The following KCNT1 variants were observed in gnomAD, a reference collection of about 807,000 sequenced individuals.
KCNT1 encodes the protein potassium sodium-activated channel subfamily T member 1, also known as potassium channel subfamily T member 1.
Under a neutral mutation model 147.8 loss-of-function variants are expected in KCNT1, and 78 were observed. The observed-to-expected ratio is 0.53, with a 90% CI of 0.44 to 0.64. KCNT1 has a LOEUF of 0.64. Ranked by LOEUF, KCNT1 falls within the 30% of genes least tolerant of loss-of-function variation. KCNT1 has a pLI of 0.00. For missense variants in KCNT1, 1,419 were observed against 1,750.3 expected, an observed-to-expected ratio of 0.81 and a Z score of 3.38; for synonymous variants, 867 against 748.8, an observed-to-expected ratio of 1.16 and a Z score of -2.58.
intron 2 of KCNT1, among the ~76,000 whole-genome samples, chr9:135,747,262 G>A (rs1830879154): frequency 6.6e-6 from 1 of 152,110 alleles, no homozygotes; most frequent in Non-Finnish European, 1.5e-5. Context: ...GGAGAGGAGA[G>A]GGTGGGAGGC....
intron 5 of KCNT1, 88 bp from the exon 6 acceptor site, chr9:135,755,033 G>A: frequency 8.0e-7 from 1 of 1,248,806 alleles, no homozygotes; most frequent in Non-Finnish European, 1.1e-6. Flanking sequence ...GGCCAGTGGA[G>A]GCCAATGGTT....
Position 135,765,169 on chromosome 9 carries a change from G to T in KCNT1, c.1174G>T (p.Glu392Ter). The T allele has an allele frequency of 6.2e-7, 1 of 1,613,074 alleles. No individual in the cohort carries two copies. Among genetic ancestry groups the T allele is most frequent in the Non-Finnish European group, 8.5e-7 (1 of 1,179,664 alleles). The change falls in exon 12 of 31, where the codon GAG becomes TAG. Residue 392 changes from glutamate (E) to a stop codon, truncating the protein, a stop_gained. Transcript: ENST00000371757. LOFTEE classifies it high-confidence loss of function. Reference protein sequence around the residue: ...KIDLLMDFLNEFYAHPRLQDY... With the variant: ...KIDLLMDFLN ...CGACCTTCTCATGGACTTCCTGAACGAGTTCTACGCCCACCCCCGGCTCCA... is the reference window on the plus strand; with the variant it reads ...CGACCTTCTCATGGACTTCCTGAACTAGTTCTACGCCCACCCCCGGCTCCA...
intron 19 of KCNT1, 51 bp downstream of exon 19, chr9:135,773,000 A>C: frequency 7.8e-7 from 1 of 1,286,726 alleles, no homozygotes; most frequent in Non-Finnish European, 1.0e-6. Context: ...GCCGCCCATG[A>C]GTGCGGGGGA....
chr9:135,770,338 G>A lies in KCNT1; in HGVS notation c.1660G>A (p.Gly554Arg). The A allele has an allele frequency of 1.2e-6, 2 of 1,612,112 alleles. No homozygotes were observed. Among genetic ancestry groups the A allele is most frequent in the Non-Finnish European group, 8.5e-7 (1 of 1,179,286 alleles). The change falls in exon 17 of 31, where the codon GGG becomes AGG. Residue 554 changes from glycine (G) to arginine (R), a missense_variant. Around this residue, in one of 5 missense-constraint regions of KCNT1, gnomAD observed 284 missense variants for 292.8 expected, o/e 0.97. Transcript: ENST00000371757. ...ESPEQWQRMY[G>R]RCSGNEVYHI... ...TCCGGAGCAGTGGCAGCGCATGTAT[G>A]GGCGCTGCTCCGGCAACGAGGTGTA...
chr9:135,785,452 C>A, intron 28 of KCNT1, 122 bp downstream of exon 28: 2 of 1,280,584 alleles, frequency 1.6e-6, no homozygotes, highest in African/African-American at 1.6e-5. Flanking sequence ...AAAGCCGAGG[C>A]AGGAGCGGGT....
At chr9:135,746,691 T>C (rs1407686073) in intron 2 of KCNT1, among the ~76,000 whole-genome samples, 1 of 152,060 alleles carries the variant, frequency 6.6e-6, no homozygotes. Flanking sequence ...CTTGGAGGCC[T>C]ATGACCGATG....
intron 24 of KCNT1, among the ~76,000 whole-genome samples, chr9:135,781,494 C>T (rs1297753541): frequency 2.0e-5 from 3 of 152,240 alleles, no homozygotes; most frequent in Non-Finnish European, 4.4e-5. Context: ...CCCCATGGGT[C>T]TCTCTGACGG....
intron 15 of KCNT1, among the ~76,000 whole-genome samples, chr9:135,769,614 G>A (rs945733648): frequency 3.3e-5 from 5 of 152,124 alleles, no homozygotes; most frequent in East Asian, 1.9e-4. Flanking sequence ...CCCGGGGAAC[G>A]GGGGGCAGGC....
intron 22 of KCNT1, 35 bp from the exon 23 acceptor site, chr9:135,778,653 C>T: frequency 6.2e-7 from 1 of 1,612,278 alleles, no homozygotes; most frequent in Non-Finnish European, 8.5e-7. Flanking sequence ...GAGTGGGCCG[C>T]ATCCTCAGCC....
chr9:135,709,715 C>G (rs534659748), intron 1 of KCNT1, among the ~76,000 whole-genome samples: 1 of 152,346 alleles, frequency 6.6e-6, no homozygotes, highest in Admixed American at 6.5e-5. Flanking sequence ...GAGTCTCGCT[C>G]TGTCACCCAG....
Position 135,714,813 on chromosome 9 carries a change from C to G in KCNT1, c.254+93C>G. On this transcript the variant is annotated intron_variant, in intron 2 of 30. Transcript: ENST00000371757. This position sits in a 1 kb window ranked among gnomAD's most constrained non-coding sequence, Gnocchi z 6.2. The stretch of plus-strand genomic sequence containing the variant: ...CGCGGTGCTGACGGCCGGTCCCGCG[C>G]GCCCCCGCAGCCGCCGGCGCCCTTC... The G allele has an allele frequency of 6.4e-6, 6 of 941,236 alleles. No homozygotes were observed. The highest frequency in any genetic ancestry group is 7.9e-6 in the Non-Finnish European group (6 of 754,756). 58.3% of individuals were successfully genotyped at this position (941,236 alleles called of 1,614,324 possible). A position where few individuals can be genotyped will look rare whatever the true frequency, so the allele number is the denominator to read the frequency against.
chr9:135,727,372 CCTCTCCCTCT>C (rs1157792513), intron 2 of KCNT1, among the ~76,000 whole-genome samples: 33 of 123,606 alleles, frequency 2.7e-4, no homozygotes, highest in Non-Finnish European at 4.2e-4. Flanking sequence ...TCTCTCTCTC[CCTCTCCCTCT>C]CTCTCCCTCT....
rs1210809021 is a variant in KCNT1, at chr9:135,794,458, T to C, written c.*2297T>C. 1.3e-5 allele frequency: 2 copies of C among 152,244 alleles called. No homozygotes were observed. The highest frequency in any genetic ancestry group is 6.5e-5 in the Admixed American group (1 of 15,282). The allele number at this position is 152,244 out of a possible 1,614,324, so 9.4% of individuals were successfully genotyped here. ...AGCATTTTTTCATAATCTCCAGTAA[T>C]GAGGCCACTTCGGGTCCAGCCCTGG... On this transcript the variant is annotated 3_prime_UTR_variant, in exon 31 of 31. Coordinates refer to ENST00000371757, the MANE Select transcript of KCNT1 (RefSeq NM_020822.3).
Position 135,769,221 on chromosome 9 carries a change from A to G in KCNT1, c.1510+284A>G, listed in dbSNP as rs58473001. On this transcript the variant is annotated intron_variant, in intron 15 of 30. Coordinates refer to ENST00000371757, the MANE Select transcript of KCNT1 (RefSeq NM_020822.3). ...GGTGACAGTGCATCTGGGGCAGGGC[A>G]CGTGTGCACGTGTGTGTCGGTGTGT... Among the ~76,000 whole-genome samples the G allele has an allele frequency of 1.1e-3, 100 of 88,208 alleles. 1 individual carries two copies. The highest frequency in any genetic ancestry group is 3.3e-3 in the African/African-American group (71 of 21,310). 57.9% of individuals were successfully genotyped at this position (88,208 alleles called of 152,430 possible). A position where few individuals can be genotyped will look rare whatever the true frequency, so the allele number is the denominator to read the frequency against.
intron 2 of KCNT1, among the ~76,000 whole-genome samples, chr9:135,731,979 TATATATATATATAGAG>T (rs1301867050): frequency 8.1e-4 from 23 of 28,224 alleles, no homozygotes; most frequent in African/African-American, 2.4e-3. Context: ...TATATATATA[TATATATATATATAGAG>T]AGAGAGAGAG....
chr9:135,707,339 T>C (rs1295575571), intron 1 of KCNT1, among the ~76,000 whole-genome samples: 2 of 151,854 alleles, frequency 1.3e-5, no homozygotes, highest in Non-Finnish European at 2.9e-5. Flanking sequence ...CCTCAGGCTG[T>C]CCACCCTAGG....
intron 11 of KCNT1, among the ~76,000 whole-genome samples, chr9:135,762,744 C>T (rs533607775): frequency 2.0e-5 from 3 of 152,264 alleles, no homozygotes; most frequent in South Asian, 4.2e-4. Flanking sequence ...AGCGAGATGC[C>T]ATCTCAACAC....
intron 13 of KCNT1, 69 bp downstream of exon 13, chr9:135,765,829 G>A: frequency 7.0e-7 from 1 of 1,424,180 alleles, no homozygotes; most frequent in Non-Finnish European, 9.6e-7. Flanking sequence ...GCTCAGGGCT[G>A]AGGCATTGAC....
chr9:135,765,768 C>T lies in KCNT1; in HGVS notation c.1337+8C>T. The T allele has an allele frequency of 3.5e-6, 5 of 1,428,496 alleles. No individual in the cohort carries two copies. The highest frequency in any genetic ancestry group is 4.8e-6 in the Non-Finnish European group (5 of 1,036,128). 88.5% of individuals were successfully genotyped at this position (1,428,496 alleles called of 1,614,324 possible). On this transcript the variant is annotated splice_region_variant and intron_variant, in intron 13 of 30. Coordinates refer to ENST00000371757, the MANE Select transcript of KCNT1 (RefSeq NM_020822.3). ...GGACCTCATGCGAGCCAAGTGAGTG[C>T]TGGTGGGCGGAGGGGGTGGCATGGG...
Sources: gnomAD v4.1 joint callset for allele counts (sites outside exome capture counted in the v4.1 genomes callset) on GRCh38, gnomAD v4.1.1 for gene constraint, gnomAD v4.1.1 regional missense constraint, Gnocchi (gnomAD v3.1) non-coding constraint, MANE v1.5 for transcripts, NCBI Gene and HGNC (gene_info 2026-07-23, HGNC 2026-07-21) for gene names.